Variants in RMDN1 observed in about 807,000 individuals in gnomAD.
RMDN1 encodes the protein regulator of microtubule dynamics protein 1.
In RMDN1, 48 loss-of-function variants were observed where a neutral mutation model predicts 48.9. The ratio of observed to expected loss-of-function variants is 0.98; its 90% confidence interval spans 0.78 to 1.25. RMDN1 has a LOEUF of 1.25. RMDN1 is among the 50% of genes most tolerant of loss of function. The pLI is 0.00. For missense variants in RMDN1, 418 were observed against 373.4 expected (o/e 1.12, Z -0.98); for synonymous variants, 148 against 132.6 (o/e 1.12, Z -0.80).
At chr8:86,514,087 C>T (rs1488295137) in intron 1 of RMDN1, among the ~76,000 whole-genome samples, 1 of 152,128 alleles carries the variant, frequency 6.6e-6, no homozygotes, top group East Asian at 1.9e-4. Context: ...CTCCTGGGCA[C>T]AAGCCATCCT....
At chr8:86,481,352 T>C (rs545459241) in intron 5 of RMDN1, among the ~76,000 whole-genome samples, 2 of 152,286 alleles carry the variant, frequency 1.3e-5, no homozygotes, top group Admixed American at 1.3e-4. Flanking sequence ...TATCTTAACA[T>C]GTTTATATGC....
intron 2 of RMDN1, chr8:86,504,316 G>GA (rs1818903703): frequency 6.3e-7 from 1 of 1,579,872 alleles, no homozygotes; most frequent in Non-Finnish European, 8.7e-7. Flanking sequence ...GATGCAAGAT[G>GA]AGAGTGCAAG....
intron 1 of RMDN1, 36 bp from the exon 2 acceptor site, chr8:86,507,148 G>C (rs2131350322): frequency 7.3e-7 from 1 of 1,371,142 alleles, no homozygotes; most frequent in East Asian, 2.3e-5. Flanking sequence ...TACAAACTTT[G>C]AAAATTTGAA....
chr8:86,489,707 G>A (rs1471722597), intron 2 of RMDN1, among the ~76,000 whole-genome samples: 2 of 151,982 alleles, frequency 1.3e-5, no homozygotes, highest in African/African-American at 2.4e-5. Context: ...GCGTGCGCCT[G>A]TAATCCCAGC....
intron 2 of RMDN1, chr8:86,504,449 T>C: frequency 6.4e-7 from 1 of 1,558,930 alleles, no homozygotes; most frequent in South Asian, 1.1e-5. Flanking sequence ...AATGTTGTGT[T>C]CTATTACTCA....
chr8:86,468,955 C>T (rs765456148), downstream of RMDN1, among the ~76,000 whole-genome samples: 14 of 152,126 alleles, frequency 9.2e-5, no homozygotes, highest in Non-Finnish European at 1.8e-4. Context: ...AAACACAGTT[C>T]ATGAGGAAAC....
At chr8:86,480,380 A>G (rs750927630) in intron 5 of RMDN1, 48 bp from the exon 6 acceptor site, 12 of 1,080,578 alleles carry the variant, frequency 1.1e-5, no homozygotes, top group South Asian at 1.6e-5. Flanking sequence ...CTAAACACCA[A>G]TAAGTGCTTT....
At chr8:86,508,816 A>T, upstream of RMDN1, 1 of 1,292,314 alleles carries the variant, frequency 7.7e-7, no homozygotes, top group Non-Finnish European at 9.8e-7. Context: ...AAATACCCCG[A>T]TTGGGTGGGA....
chr8:86,477,461 T>C, intron 7 of RMDN1, 137 bp from the exon 8 acceptor site: 2 of 641,310 alleles, frequency 3.1e-6, no homozygotes, highest in Non-Finnish European at 5.2e-6. Context: ...TGGTCACTTC[T>C]TCAACAGTGA....
At chr8:86,490,070 T>C (rs1011260119) in intron 2 of RMDN1, among the ~76,000 whole-genome samples, 2 of 152,124 alleles carry the variant, frequency 1.3e-5, no homozygotes, top group Admixed American at 1.3e-4. Context: ...AATATTCATA[T>C]GGCTGGTTAA....
chr8:86,503,851 A>G (rs1818820595), intron 2 of RMDN1: 1 of 604,656 alleles, frequency 1.7e-6, no homozygotes, highest in Admixed American at 2.2e-5. Flanking sequence ...TGACAGGTGC[A>G]ATTCAATGCT....
At chr8:86,504,863 C>T in intron 2 of RMDN1, 1 of 1,074,586 alleles carries the variant, frequency 9.3e-7, no homozygotes, top group Non-Finnish European at 1.4e-6. Flanking sequence ...ATTTAGGAGC[C>T]TGTATTTTTA....
At position 86,474,375 on chromosome 8, in the gene RMDN1, C is replaced by T. The variant is rs1813008433; in HGVS notation, c.895-17G>A. ...TGTCTGTATCTAAAATGGAAAAATA[C>T]ATGTTATAAGTAAACAGGAGAGCTA... On this transcript the variant is annotated splice_polypyrimidine_tract_variant and intron_variant, in intron 9 of 9. Coordinates refer to ENST00000406452, the MANE Select transcript of RMDN1 (RefSeq NM_016033.3). 6.3e-7 allele frequency: 1 copy of T among 1,579,120 alleles called. No homozygotes were observed. Among genetic ancestry groups the T allele is most frequent in the Non-Finnish European group, 8.7e-7 (1 of 1,148,726 alleles).
chr8:86,480,207 A>T, intron 6 of RMDN1, 70 bp downstream of exon 6: 1 of 738,082 alleles, frequency 1.4e-6, no homozygotes. Flanking sequence ...TATATGCAAA[A>T]GAAGATATTT....
Position 86,472,657 on chromosome 8 carries a change from AT to A in RMDN1, c.*1650del, listed in dbSNP as rs528786009. On this transcript the variant is annotated 3_prime_UTR_variant, in exon 10 of 10. Coordinates refer to ENST00000406452, the MANE Select transcript of RMDN1 (RefSeq NM_016033.3). Reference sequence around the variant, plus strand: ...TTTCACTGTATCAGTGGTGTGTCATATTTTTTTTTTTGCCATCCTTGTTCCT... The same window carrying A: ...TTTCACTGTATCAGTGGTGTGTCATATTTTTTTTTTGCCATCCTTGTTCCT... 0.11 allele frequency: 41,525 copies of A among 377,934 alleles called. 1 individual carries two copies. The highest frequency in any genetic ancestry group is 0.14 in the South Asian group (3,910 of 27,142). 23.4% of individuals were successfully genotyped at this position (377,934 alleles called of 1,614,324 possible).
intron 1 of RMDN1, 86 bp downstream of exon 1, chr8:86,508,406 C>G: frequency 7.1e-7 from 1 of 1,404,790 alleles, no homozygotes; most frequent in Non-Finnish European, 9.5e-7. Flanking sequence ...CCTTAGGCAG[C>G]GCGGGGCCGC....
downstream of RMDN1, chr8:86,470,300 G>A (rs956898190): frequency 7.8e-7 from 1 of 1,289,342 alleles, no homozygotes; most frequent in Admixed American, 2.3e-5. Flanking sequence ...TCAGGTGGGG[G>A]CTGCACGGGA....
At chr8:86,503,390 C>CAAAAAAAAACA (rs1405705068) in intron 2 of RMDN1, among the ~76,000 whole-genome samples, 9 of 56,564 alleles carry the variant, frequency 1.6e-4, no homozygotes, top group African/African-American at 2.0e-4. Flanking sequence ...AAAAAAAAAA[C>CAAAAAAAAACA]AAAAAAAAAT....
chr8:86,471,753 T>G (rs1812593611), downstream of RMDN1, among the ~76,000 whole-genome samples: 1 of 152,124 alleles, frequency 6.6e-6, no homozygotes, highest in Non-Finnish European at 1.5e-5. Flanking sequence ...CAGGCAAAGA[T>G]CTAATAGAAC....
Sources: gnomAD v4.1 joint callset for allele counts (sites outside exome capture counted in the v4.1 genomes callset) on GRCh38, gnomAD v4.1.1 for gene constraint, MANE v1.5 for transcripts, NCBI Gene and HGNC (gene_info 2026-07-23, HGNC 2026-07-21) for gene names.